VPS13B: variants seen among roughly 807,000 people sequenced by gnomAD.
The protein encoded by VPS13B is intermembrane lipid transfer protein VPS13B.
A neutral mutation model predicts 426.4 loss-of-function variants in VPS13B; 285 were observed. That is an observed-to-expected ratio of 0.67 (90% CI 0.61 to 0.74). The LOEUF (loss-of-function observed/expected upper bound fraction) is 0.74. VPS13B is among the 30% of genes least tolerant of loss of function. VPS13B has a pLI of 0.00. For missense variants in VPS13B, 4,537 were observed against 4,782.6 expected (o/e 0.95, Z 1.51); for synonymous variants, 1,676 against 1,676.4 (o/e 1.00, Z 0.01).
chr8:99,078,137 C>A (rs189586708), intron 3 of VPS13B, among the ~76,000 whole-genome samples: 1 of 151,224 alleles, frequency 6.6e-6, no homozygotes, highest in Non-Finnish European at 1.5e-5. Context: ...TGAGGCTCTT[C>A]GTTATCATTT....
At chr8:99,231,411 T>C (rs1228488453) in intron 17 of VPS13B, among the ~76,000 whole-genome samples, 1 of 152,208 alleles carries the variant, frequency 6.6e-6, no homozygotes, top group African/African-American at 2.4e-5. Flanking sequence ...TACATGTTCA[T>C]CCTTTAGTGC....
chr8:99,489,023 C>A (rs1157040177), intron 25 of VPS13B, among the ~76,000 whole-genome samples: 1 of 152,156 alleles, frequency 6.6e-6, no homozygotes, highest in Non-Finnish European at 1.5e-5. Context: ...TTAGGTCTTA[C>A]ATTTAAGTCT....
At chr8:99,433,466 A>C (rs1282954835) in intron 22 of VPS13B, among the ~76,000 whole-genome samples, 1 of 152,190 alleles carries the variant, frequency 6.6e-6, no homozygotes, top group East Asian at 1.9e-4. Context: ...ATAGAATAAC[A>C]CTTTTATGTG....
intron 19 of VPS13B, among the ~76,000 whole-genome samples, chr8:99,279,956 A>G (rs1819083997): frequency 6.6e-6 from 1 of 152,060 alleles, no homozygotes; most frequent in Admixed American, 6.5e-5. Context: ...TTTTTAGTAG[A>G]GACAGGGTTT....
intron 43 of VPS13B, among the ~76,000 whole-genome samples, chr8:99,791,996 A>G (rs189259537): frequency 4.1e-4 from 62 of 152,246 alleles, no homozygotes; most frequent in Non-Finnish European, 7.9e-4. Flanking sequence ...GGAACATAAT[A>G]TTTTTAAATG....
chr8:99,766,661 C>T, intron 39 of VPS13B, 113 bp from the exon 40 acceptor site: 1 of 866,418 alleles, frequency 1.2e-6, no homozygotes, highest in African/African-American at 1.7e-5. Context: ...TAACCTTATT[C>T]TCCTCTAAAG....
intron 36 of VPS13B, among the ~76,000 whole-genome samples, chr8:99,705,022 A>G (rs1394663427): frequency 6.6e-6 from 1 of 152,100 alleles, no homozygotes; most frequent in Admixed American, 6.6e-5. Flanking sequence ...CAGATGGCCT[A>G]CCGTCCGTGA....
intron 44 of VPS13B, among the ~76,000 whole-genome samples, chr8:99,811,019 T>A (rs1030469303): frequency 6.6e-6 from 1 of 152,206 alleles, no homozygotes; most frequent in Non-Finnish European, 1.5e-5. Context: ...GAATCTGCTG[T>A]CAATGAATAT....
intron 35 of VPS13B, chr8:99,696,797 G>T: frequency 1.4e-6 from 2 of 1,411,954 alleles, no homozygotes; most frequent in Non-Finnish European, 2.0e-6. Flanking sequence ...ATTTGAGAAT[G>T]AGCTGACCCT....
chr8:99,601,557 T>A (rs909281983), intron 33 of VPS13B, among the ~76,000 whole-genome samples: 3 of 152,232 alleles, frequency 2.0e-5, no homozygotes, highest in Non-Finnish European at 2.9e-5. Context: ...TGGTTCTAGA[T>A]CCTTGAAAAA....
chr8:99,710,333 C>A (rs546636261), intron 36 of VPS13B, among the ~76,000 whole-genome samples: 1 of 151,920 alleles, frequency 6.6e-6, no homozygotes, highest in Admixed American at 6.6e-5. Context: ...TGCATTTGTC[C>A]CCCTAGGAAG....
Position 99,766,911 on chromosome 8 carries a change from A to T in VPS13B, c.7188A>T (p.Val2396=). The T allele has an allele frequency of 6.2e-7, 1 of 1,614,048 alleles. No individual in the cohort carries two copies. The highest frequency in any genetic ancestry group is 1.1e-5 in the South Asian group (1 of 91,086). The stretch of plus-strand genomic sequence containing the variant: ...TCGTGAATGACCAGAAGAAATTAGT[A>T]TCTTCAGATCTTTGGAGAATTGTCT... The part of the protein sequence containing the change: ...INLVNDQKKL[V]SSDLWRIVLN... Residue 2396 remains valine (V), a synonymous_variant, in exon 40 of 62, where the codon GTA becomes GTT. Coordinates refer to ENST00000357162, the MANE Select transcript of VPS13B (RefSeq NM_152564.5).
At position 99,832,341 on chromosome 8, in the gene VPS13B, ATTTTTTTTT is replaced by A. The variant is rs370235149; in HGVS notation, c.9331-11_9331-3del. 3.2e-5 allele frequency: 38 copies of A among 1,195,372 alleles called. No homozygotes were observed. In the African/African-American group the frequency reaches 3.3e-4, roughly 10 times the overall value. 74.0% of individuals were successfully genotyped at this position (1,195,372 alleles called of 1,614,324 possible). A position where few individuals can be genotyped will look rare whatever the true frequency, so the allele number is the denominator to read the frequency against. On this transcript the variant is annotated intron_variant, in intron 51 of 61. Coordinates refer to ENST00000357162, the MANE Select transcript of VPS13B (RefSeq NM_152564.5). Reference sequence around the variant, plus strand: ...TTACTGTAGCTAATGTGCTCTCTGCATTTTTTTTTTTTTTTTTTTTTTTTTAGTATTTTC... The same window carrying A: ...TTACTGTAGCTAATGTGCTCTCTGCATTTTTTTTTTTTTTTTAGTATTTTC...
intron 35 of VPS13B, among the ~76,000 whole-genome samples, chr8:99,689,596 T>C (rs980671855): frequency 5.3e-5 from 8 of 152,072 alleles, no homozygotes; most frequent in African/African-American, 1.9e-4. Context: ...GGCGGGAGGA[T>C]CACTTGAGCC....
At chr8:99,679,117 G>A (rs1048160212) in intron 35 of VPS13B, among the ~76,000 whole-genome samples, 1 of 151,958 alleles carries the variant, frequency 6.6e-6, no homozygotes, top group Admixed American at 6.6e-5. Context: ...TTTTCTTCTG[G>A]AATAGTTTCC....
intron 59 of VPS13B, among the ~76,000 whole-genome samples, chr8:99,869,616 C>T (rs1049504078): frequency 6.6e-6 from 1 of 152,176 alleles, no homozygotes; most frequent in Non-Finnish European, 1.5e-5. Flanking sequence ...TTACACTCTC[C>T]CTTATGATAG....
At chr8:99,304,316 TGA>T (rs917858240) in intron 19 of VPS13B, among the ~76,000 whole-genome samples, 5 of 152,112 alleles carry the variant, frequency 3.3e-5, no homozygotes, top group Non-Finnish European at 7.4e-5. Context: ...CACTTCCCTA[TGA>T]GAGGATAATC....
At chr8:99,016,654 C>T (rs1209874940) in intron 2 of VPS13B, among the ~76,000 whole-genome samples, 19 of 133,942 alleles carry the variant, frequency 1.4e-4, no homozygotes, top group African/African-American at 4.3e-4. Flanking sequence ...TGCAGTGGTG[C>T]GATCTCGGCT....
chr8:99,793,286 A>ATAT (rs1563919847), intron 43 of VPS13B, among the ~76,000 whole-genome samples: 5 of 114,984 alleles, frequency 4.3e-5, no homozygotes, highest in African/African-American at 1.0e-4. Context: ...TATATATATA[A>ATAT]AATACATGAT....
Sources: gnomAD v4.1 joint callset for allele counts (sites outside exome capture counted in the v4.1 genomes callset) on GRCh38, gnomAD v4.1.1 for gene constraint, MANE v1.5 for transcripts, NCBI Gene and HGNC (gene_info 2026-07-23, HGNC 2026-07-21) for gene names.